The following MAGI2 variants were observed in gnomAD, a reference collection of about 807,000 sequenced individuals.
MAGI2 encodes the protein membrane-associated guanylate kinase, WW and PDZ domain-containing protein 2.
A neutral mutation model predicts 133.3 loss-of-function variants in MAGI2; 35 were observed. That is an observed-to-expected ratio of 0.26 (90% CI 0.20 to 0.35). MAGI2 has a LOEUF of 0.35. MAGI2 is among the 10% of genes least tolerant of loss of function. The pLI is 1.00. For synonymous variants in MAGI2, 729 were observed against 710.6 expected (o/e 1.03, Z -0.41); for missense variants, 1,636 against 1,863.4 (o/e 0.88, Z 2.25).
At chr7:78,710,372 A>C (rs2151173859) in intron 2 of MAGI2, among the ~76,000 whole-genome samples, 1 of 152,292 alleles carries the variant, frequency 6.6e-6, no homozygotes, top group African/African-American at 2.4e-5. Context: ...AGGTGGTGCA[A>C]AGAACCCTAT....
In MAGI2 at chr7:79,186,216, ATATATATATATATATATATATATATATT is replaced by A. The variant is rs1192800341; in HGVS notation, c.302-179038_302-179011del. On this transcript the variant is annotated intron_variant, in intron 1 of 21. Transcript: ENST00000354212. Reference sequence around the variant, plus strand: ...AATATATATATATATATATATATATATATATATATATATATATATATATATATTTATATTTATTTATTTATAAACTACA... The same window carrying A: ...AATATATATATATATATATATATATATATATTTATTTATTTATAAACTACA... 1.8e-4 allele frequency among the ~76,000 whole-genome samples: 4 copies of A among 22,774 alleles called. No individual in the cohort carries two copies. The Admixed American group carries it at 2.1e-3, about 12-fold the overall frequency. 14.9% of individuals were successfully genotyped at this position (22,774 alleles called of 152,430 possible).
chr7:78,134,946 C>T (rs1310592024), intron 17 of MAGI2, 75 bp downstream of exon 17: 27 of 1,352,554 alleles, frequency 2.0e-5, no homozygotes, highest in East Asian at 4.6e-5. Context: ...GCGACCCTGG[C>T]GGGCAGGCTG....
At chr7:78,855,777 G>A (rs143385327) in intron 2 of MAGI2, among the ~76,000 whole-genome samples, 1 of 152,148 alleles carries the variant, frequency 6.6e-6, no homozygotes, top group Admixed American at 6.5e-5. Flanking sequence ...CCCAGTAATG[G>A]GATGGCTGGG....
At chr7:79,005,821 G>A (rs1443901050) in intron 2 of MAGI2, among the ~76,000 whole-genome samples, 1 of 152,148 alleles carries the variant, frequency 6.6e-6, no homozygotes. Context: ...AAACTTACAA[G>A]TTTAAGAATG....
chr7:78,892,406 G>C (rs1042753235), intron 2 of MAGI2, among the ~76,000 whole-genome samples: 4 of 152,134 alleles, frequency 2.6e-5, no homozygotes, highest in Admixed American at 6.5e-5. Context: ...AACCAAAAAA[G>C]AGCCCACATC....
At chr7:78,557,058 T>C (rs1584621828) in intron 3 of MAGI2, among the ~76,000 whole-genome samples, 1 of 111,374 alleles carries the variant, frequency 9.0e-6, no homozygotes. Context: ...GCCACTATAC[T>C]CCAGCCTGGG....
intron 2 of MAGI2, among the ~76,000 whole-genome samples, chr7:78,649,548 T>C (rs1025969197): frequency 5.3e-5 from 8 of 152,148 alleles, no homozygotes; most frequent in African/African-American, 1.9e-4. Flanking sequence ...TTAGTATCAT[T>C]TGATTCAAAA....
At chr7:78,233,949 A>G (rs1462763234) in intron 10 of MAGI2, among the ~76,000 whole-genome samples, 1 of 152,142 alleles carries the variant, frequency 6.6e-6, no homozygotes, top group Admixed American at 6.6e-5. Flanking sequence ...GGCATATTAG[A>G]TTAGCTTCAG....
chr7:78,701,208 TA>T (rs1274359037), intron 2 of MAGI2, among the ~76,000 whole-genome samples: 2 of 151,880 alleles, frequency 1.3e-5, no homozygotes, highest in Non-Finnish European at 2.9e-5. Flanking sequence ...ACGATATCAA[TA>T]TCTGGGGCCT....
At chr7:78,891,921 A>C (rs1796794596) in intron 2 of MAGI2, among the ~76,000 whole-genome samples, 1 of 152,184 alleles carries the variant, frequency 6.6e-6, no homozygotes, top group African/African-American at 2.4e-5. Flanking sequence ...TTCAATTAGG[A>C]AAAGAGGAAG....
intron 1 of MAGI2, among the ~76,000 whole-genome samples, chr7:79,323,198 T>C (rs553480109): frequency 7.2e-5 from 11 of 152,186 alleles, no homozygotes; most frequent in South Asian, 4.2e-4. Context: ...TCCTACTGTA[T>C]ACCAAGTATT....
intron 1 of MAGI2, among the ~76,000 whole-genome samples, chr7:79,247,440 C>A (rs904516644): frequency 6.6e-6 from 1 of 152,046 alleles, no homozygotes; most frequent in Non-Finnish European, 1.5e-5. Context: ...AATGGTGAGA[C>A]CTCGTCTCTA....
intron 1 of MAGI2, among the ~76,000 whole-genome samples, chr7:79,422,226 T>G (rs1847014726): frequency 6.6e-6 from 1 of 152,040 alleles, no homozygotes; most frequent in Admixed American, 6.6e-5. Flanking sequence ...ATTCTATACT[T>G]CTAGCTCCAC....
intron 7 of MAGI2, among the ~76,000 whole-genome samples, chr7:78,357,006 A>T (rs1280713649): frequency 6.6e-6 from 1 of 152,228 alleles, no homozygotes; most frequent in Non-Finnish European, 1.5e-5. Context: ...ATCTGTAAAT[A>T]TTCTACTCAT....
chr7:78,518,148 A>T (rs971728125), intron 4 of MAGI2: 1 of 152,156 alleles, frequency 6.6e-6, no homozygotes, highest in African/African-American at 2.4e-5. Flanking sequence ...AAAAACTAGG[A>T]ATTTTTTATA....
chr7:78,948,995 AAAG>A (rs1293897573), intron 2 of MAGI2, among the ~76,000 whole-genome samples: 3 of 152,100 alleles, frequency 2.0e-5, no homozygotes, highest in Admixed American at 2.0e-4. Flanking sequence ...AATCAGTCAC[AAAG>A]AAAGTTCAGA....
Position 78,546,121 on chromosome 7 carries a change from GTTCT to G in MAGI2, c.539-24480_539-24477del, listed in dbSNP as rs572475004. On this transcript the variant is annotated intron_variant, in intron 3 of 21. Coordinates refer to ENST00000354212, the MANE Select transcript of MAGI2 (RefSeq NM_012301.4). ...GTGTCAGTTTGGGCAAGTTTCCTAA[GTTCT>G]TTGAGTCCATATTTTAATAATTTTT... 3.9e-5 allele frequency among the ~76,000 whole-genome samples: 6 copies of G among 152,280 alleles called. No individual in the cohort carries two copies. The South Asian group carries it at 1.2e-3, about 32-fold the overall frequency.
intron 1 of MAGI2, among the ~76,000 whole-genome samples, chr7:79,451,681 G>T (rs776183088): frequency 1.3e-5 from 2 of 152,070 alleles, no homozygotes; most frequent in Non-Finnish European, 2.9e-5. Context: ...ATTTAACAGT[G>T]CGGTACATCT....
intron 2 of MAGI2, among the ~76,000 whole-genome samples, chr7:78,736,779 G>A (rs892155554): frequency 6.6e-6 from 1 of 152,078 alleles, no homozygotes; most frequent in Non-Finnish European, 1.5e-5. Flanking sequence ...CTGGGGGTGG[G>A]GGGAGTGTCA....
Sources: gnomAD v4.1 joint callset for allele counts (sites outside exome capture counted in the v4.1 genomes callset) on GRCh38, gnomAD v4.1.1 for gene constraint, MANE v1.5 for transcripts, NCBI Gene and HGNC (gene_info 2026-07-23, HGNC 2026-07-21) for gene names.